MGAT4C: variants seen among roughly 807,000 people sequenced by gnomAD.
The protein encoded by MGAT4C is alpha-1,3-mannosyl-glycoprotein 4-beta-N-acetylglucosaminyltransferase C.
In MGAT4C, 19 loss-of-function variants were observed where a neutral mutation model predicts 40.1. The observed-to-expected ratio is 0.47, with a 90% CI of 0.33 to 0.70. The LOEUF (loss-of-function observed/expected upper bound fraction) is 0.70. MGAT4C is among the 30% of genes least tolerant of loss of function. The probability of loss-of-function intolerance (pLI) is 0.02; values close to 1 mark genes in which losing one functional copy is unlikely to be tolerated. For missense variants in MGAT4C, 491 were observed against 563.2 expected, an observed-to-expected ratio of 0.87 and a Z score of 1.30; for synonymous variants, 181 against 187.1, an observed-to-expected ratio of 0.97 and a Z score of 0.27.
At chr12:86,054,364 T>TA in intron 1 of MGAT4C, among the ~76,000 whole-genome samples, 1 of 151,904 alleles carries the variant, frequency 6.6e-6, no homozygotes, top group East Asian at 1.9e-4. Context: ...GGAGTTATTA[T>TA]AAAAAAGCTG....
At chr12:86,454,707 A>G (rs1310233061) in intron 2 of MGAT4C, among the ~76,000 whole-genome samples, 1 of 152,146 alleles carries the variant, frequency 6.6e-6, no homozygotes, top group Non-Finnish European at 1.5e-5. Context: ...CTGGAGTAGT[A>G]AGCAAAGAGC....
chr12:86,430,157 G>GT (rs1402691622), intron 3 of MGAT4C, among the ~76,000 whole-genome samples: 1 of 151,920 alleles, frequency 6.6e-6, no homozygotes, highest in East Asian at 1.9e-4. Context: ...TTTGTATATT[G>GT]TTTTTCAAAT....
At chr12:86,448,543 G>C (rs992224446) in intron 2 of MGAT4C, among the ~76,000 whole-genome samples, 31 of 152,140 alleles carry the variant, frequency 2.0e-4, no homozygotes, top group Non-Finnish European at 3.7e-4. Context: ...TCACTGGAAA[G>C]TAAAGCTATG....
At chr12:85,987,371 T>C (rs1021369251) in intron 3 of MGAT4C, among the ~76,000 whole-genome samples, 2 of 151,790 alleles carry the variant, frequency 1.3e-5, no homozygotes, top group Non-Finnish European at 2.9e-5. Context: ...TCTCCTGACC[T>C]CGTGATCCGC....
At chr12:86,145,327 A>G (rs954880875) in intron 1 of MGAT4C, among the ~76,000 whole-genome samples, 12 of 152,124 alleles carry the variant, frequency 7.9e-5, no homozygotes, top group African/African-American at 2.9e-4. Context: ...AGTTCTGGCA[A>G]TCAGTACTTA....
At chr12:86,025,379 T>C (rs1890155870) in intron 2 of MGAT4C, among the ~76,000 whole-genome samples, 1 of 151,790 alleles carries the variant, frequency 6.6e-6, no homozygotes, top group Admixed American at 6.6e-5. Context: ...TGGCATTATG[T>C]AGATAATAAA....
At chr12:86,160,025 C>T (rs1026920460) in intron 1 of MGAT4C, among the ~76,000 whole-genome samples, 4 of 151,732 alleles carry the variant, frequency 2.6e-5, no homozygotes, top group East Asian at 1.9e-4. Context: ...TAGATTTTTA[C>T]GTCTCAATTT....
intron 1 of MGAT4C, among the ~76,000 whole-genome samples, chr12:86,809,430 A>G (rs1593227772): frequency 6.6e-6 from 1 of 151,970 alleles, no homozygotes; most frequent in Non-Finnish European, 1.5e-5. Context: ...TATAGTAATT[A>G]TATGTTTACT....
At chr12:86,537,355 A>G in intron 2 of MGAT4C, among the ~76,000 whole-genome samples, 1 of 151,990 alleles carries the variant, frequency 6.6e-6, no homozygotes, top group Non-Finnish European at 1.5e-5. Context: ...CATGCATCCT[A>G]AAACTTAAAG....
chr12:86,306,753 A>G (rs1265953201), intron 4 of MGAT4C, among the ~76,000 whole-genome samples: 2 of 150,526 alleles, frequency 1.3e-5, no homozygotes, highest in African/African-American at 5.0e-5. Flanking sequence ...TATACATGCT[A>G]AGGTATGTAG....
intron 2 of MGAT4C, among the ~76,000 whole-genome samples, chr12:86,626,288 A>G (rs1012108003): frequency 3.3e-5 from 5 of 152,212 alleles, no homozygotes; most frequent in Non-Finnish European, 7.4e-5. Flanking sequence ...TGCATATAAA[A>G]CAAATGACCT....
chr12:86,392,684 T>C (rs1956180332), intron 3 of MGAT4C, among the ~76,000 whole-genome samples: 1 of 152,206 alleles, frequency 6.6e-6, no homozygotes, highest in Non-Finnish European at 1.5e-5. Flanking sequence ...CAAAACGGTG[T>C]TGGGAAATCA....
At chr12:86,642,699 A>C (rs1181324953) in intron 2 of MGAT4C, among the ~76,000 whole-genome samples, 2 of 151,620 alleles carry the variant, frequency 1.3e-5, no homozygotes, top group Admixed American at 1.3e-4. Flanking sequence ...TTTTGTCTTT[A>C]TTTCTTTCAT....
chr12:86,356,321 C>T (rs1955309299), intron 3 of MGAT4C, among the ~76,000 whole-genome samples: 1 of 152,120 alleles, frequency 6.6e-6, no homozygotes, highest in African/African-American at 2.4e-5. Flanking sequence ...TCAATAATTA[C>T]ATTAAATGTT....
At chr12:86,204,712 C>T (rs991345894) in intron 1 of MGAT4C, among the ~76,000 whole-genome samples, 1 of 151,940 alleles carries the variant, frequency 6.6e-6, no homozygotes, top group Non-Finnish European at 1.5e-5. Context: ...ATTTAAGACC[C>T]AGGATGATGG....
chr12:86,408,473 CTCTCTCTA>C lies in MGAT4C; in HGVS notation c.-120+26676_-120+26683del, dbSNP rs1313293077. On this transcript the variant is annotated intron_variant, in intron 3 of 7. Transcript: ENST00000548651. Reference sequence around the variant, plus strand: ...ACTCTCTCTCTCTCTCTCTCTCTCTCTCTCTCTATATATATATATATATATATATATAT... The same window carrying C: ...ACTCTCTCTCTCTCTCTCTCTCTCTCTATATATATATATATATATATATAT... Among the ~76,000 whole-genome samples the C allele has an allele frequency of 5.0e-4, 54 of 108,124 alleles. No individual in the cohort carries two copies. In the East Asian group the frequency reaches 8.6e-3, roughly 17 times the overall value. 70.9% of individuals were successfully genotyped at this position (108,124 alleles called of 152,430 possible). A position where few individuals can be genotyped will look rare whatever the true frequency, so the allele number is the denominator to read the frequency against.
At chr12:86,733,614 G>T (rs983625766) in intron 1 of MGAT4C, among the ~76,000 whole-genome samples, 7 of 152,078 alleles carry the variant, frequency 4.6e-5, no homozygotes, top group Non-Finnish European at 7.4e-5. Flanking sequence ...AGACATGATT[G>T]TACATCACAA....
At chr12:86,754,909 C>T (rs781335518) in intron 1 of MGAT4C, among the ~76,000 whole-genome samples, 2 of 151,918 alleles carry the variant, frequency 1.3e-5, no homozygotes, top group Admixed American at 6.6e-5. Context: ...CCTATGTTAA[C>T]GTATTCAATC....
At chr12:86,672,255 T>C (rs1964274128) in intron 2 of MGAT4C, among the ~76,000 whole-genome samples, 1 of 151,926 alleles carries the variant, frequency 6.6e-6, no homozygotes, top group South Asian at 2.1e-4. Flanking sequence ...GAAACACACA[T>C]ACCAAAATCA....
Sources: allele counts gnomAD v4.1 joint callset (sites outside exome capture counted in the v4.1 genomes callset), GRCh38; gene constraint gnomAD v4.1.1; transcripts MANE v1.5; gene names NCBI Gene and HGNC (gene_info 2026-07-23, HGNC 2026-07-21).